The following SPIDR variants were observed in gnomAD, a reference collection of about 807,000 sequenced individuals.
SPIDR encodes scaffold protein involved in DNA repair.
SPIDR carries 93 observed loss-of-function variants against 104.6 expected under a neutral mutation model. The ratio of observed to expected loss-of-function variants is 0.89; its 90% CI spans 0.75 to 1.06. The LOEUF is 1.06. SPIDR is among the 50% of genes least tolerant of loss of function. SPIDR has a pLI of 0.00. For missense variants in SPIDR, 1,154 were observed against 1,111.2 expected, an observed-to-expected ratio of 1.04 and a Z score of -0.55; for synonymous variants, 431 against 416.9, an observed-to-expected ratio of 1.03 and a Z score of -0.41.
Position 47,419,848 on chromosome 8 carries a change from C to A in SPIDR, c.877+11887C>A, listed in dbSNP as rs535700528. On this transcript the variant is annotated intron_variant, in intron 7 of 19. Transcript: ENST00000297423. ...TGTTCTCGTTGGTTTCAAAGAACAT[C>A]TTTATTTCTGCCTTCATTTCGTTAT... is the stretch of plus-strand genomic sequence containing the variant. Among the ~76,000 whole-genome samples, 4 of 152,222 alleles carry A rather than the reference C, an allele frequency of 2.6e-5. No homozygotes were observed. The East Asian group carries it at 7.7e-4, about 29-fold the overall frequency.
In SPIDR at chr8:47,425,832, T is replaced by C. The variant is rs562061187; in HGVS notation, c.878-14491T>C. ...TGGTTTAGGAGTACCTTTGTCATGTTAATATTTGCTTTTATTGAATTATCA... is the reference window on the plus strand; with the variant it reads ...TGGTTTAGGAGTACCTTTGTCATGTCAATATTTGCTTTTATTGAATTATCA... On this transcript the variant is annotated intron_variant, in intron 7 of 19. Transcript: ENST00000297423. 2.0e-5 allele frequency among the ~76,000 whole-genome samples: 3 copies of C among 152,294 alleles called. No homozygotes were observed. In the East Asian group the frequency reaches 5.8e-4, roughly 29 times the overall value.
intron 3 of SPIDR, among the ~76,000 whole-genome samples, chr8:47,286,609 A>G (rs2038895450): frequency 6.6e-6 from 1 of 152,158 alleles, no homozygotes; most frequent in Admixed American, 6.6e-5. Context: ...ATGTACATAC[A>G]CAAAATTTAA....
At chr8:47,291,262 T>A in intron 4 of SPIDR, 125 bp downstream of exon 4, 3 of 562,096 alleles carry the variant, frequency 5.3e-6, no homozygotes, top group Non-Finnish European at 9.1e-6. Context: ...ATATTGGATT[T>A]AATATTGGAA....
intron 4 of SPIDR, among the ~76,000 whole-genome samples, chr8:47,292,030 C>T (rs1052807546): frequency 6.6e-6 from 1 of 152,090 alleles, no homozygotes; most frequent in Non-Finnish European, 1.5e-5. Flanking sequence ...ATCCCAGCCA[C>T]AGTGATGATA....
chr8:47,354,106 G>A (rs1343680419), intron 5 of SPIDR, among the ~76,000 whole-genome samples: 4 of 151,924 alleles, frequency 2.6e-5, no homozygotes, highest in Admixed American at 6.6e-5. Flanking sequence ...ACCGTATAAC[G>A]TATTGACTCT....
intron 7 of SPIDR, among the ~76,000 whole-genome samples, chr8:47,411,476 TC>T (rs1554671488): frequency 6.6e-6 from 1 of 152,230 alleles, no homozygotes; most frequent in African/African-American, 2.4e-5. Context: ...AAGTGTCTGT[TC>T]ATATCCTTTG....
At position 47,491,810 on chromosome 8, in the gene SPIDR, C is replaced by T. The variant is rs2078761567; in HGVS notation, c.1097+51268C>T. Among the ~76,000 whole-genome samples, 4 of 152,034 alleles carry T rather than the reference C, an allele frequency of 2.6e-5. No homozygotes were observed. The South Asian group carries it at 8.3e-4, about 32-fold the overall frequency. On this transcript the variant is annotated intron_variant, in intron 8 of 19. Transcript: ENST00000297423. ...GGCTGTAGTGAAGTATGATCCTGCA[C>T]TCCACTCCAGCCTGGGCAACATAGT... is the stretch of plus-strand genomic sequence containing the variant.
At chr8:47,319,701 C>A (rs1183788379) in intron 5 of SPIDR, among the ~76,000 whole-genome samples, 1 of 152,126 alleles carries the variant, frequency 6.6e-6, no homozygotes, top group Non-Finnish European at 1.5e-5. Context: ...GGAAGTAAAG[C>A]ACTCCTCAGC....
At chr8:47,555,424 C>T (rs777146972) in intron 8 of SPIDR, among the ~76,000 whole-genome samples, 6 of 152,108 alleles carry the variant, frequency 3.9e-5, no homozygotes, top group Non-Finnish European at 8.8e-5. Flanking sequence ...ACTAAAATCT[C>T]ACTGGGGAAA....
chr8:47,435,432 G>A (rs2068116718), intron 7 of SPIDR, among the ~76,000 whole-genome samples: 1 of 152,052 alleles, frequency 6.6e-6, no homozygotes, highest in South Asian at 2.1e-4. Flanking sequence ...CAGTTATTCA[G>A]CAAATGTTGT....
intron 5 of SPIDR, among the ~76,000 whole-genome samples, chr8:47,299,640 A>T (rs1351930811): frequency 6.6e-6 from 1 of 152,124 alleles, no homozygotes; most frequent in Non-Finnish European, 1.5e-5. Flanking sequence ...TACCTAATTT[A>T]TTGAGAGTTT....
intron 10 of SPIDR, among the ~76,000 whole-genome samples, chr8:47,647,180 G>GT (rs1267131187): frequency 6.6e-6 from 1 of 152,126 alleles, no homozygotes; most frequent in Non-Finnish European, 1.5e-5. Context: ...AATATTTATT[G>GT]TGTGCCTACT....
intron 5 of SPIDR, among the ~76,000 whole-genome samples, chr8:47,294,935 T>C (rs1340407576): frequency 5.9e-5 from 9 of 152,210 alleles, no homozygotes; most frequent in African/African-American, 2.2e-4. Flanking sequence ...TGACTCCAAT[T>C]ACATGTATAT....
intron 10 of SPIDR, chr8:47,660,567 G>A (rs2073942176): frequency 4.1e-6 from 4 of 974,326 alleles, no homozygotes; most frequent in Non-Finnish European, 4.9e-6. Context: ...CTGCTGCCTT[G>A]TTTTCCCAGT....
At chr8:47,351,103 T>TA (rs1362308376) in intron 5 of SPIDR, among the ~76,000 whole-genome samples, 3 of 152,218 alleles carry the variant, frequency 2.0e-5, no homozygotes, top group Non-Finnish European at 2.9e-5. Flanking sequence ...ACGTCACTCT[T>TA]ACTTTACTTA....
rs376980650 is a variant in SPIDR at position 47,685,513 on chromosome 8, A to ATTTTTTTTTTTTT, written c.1685+11575_1685+11576insTTTTTTTTTTTTT. On this transcript the variant is annotated intron_variant, in intron 11 of 19. Transcript: ENST00000297423. ...TATTTATTTATTTATTTATTTATTT[A>ATTTTTTTTTTTTT]TTTATTTTTTTGAGACAGTCTCTCT... Among the ~76,000 whole-genome samples, 163 of 121,036 alleles carry ATTTTTTTTTTTTT rather than the reference A, an allele frequency of 1.3e-3. 3 individuals are homozygous for ATTTTTTTTTTTTT. The highest frequency in any genetic ancestry group is 2.4e-3 in the Non-Finnish European group (127 of 53,466). The allele number at this position is 121,036 out of a possible 152,430, so 79.4% of individuals were successfully genotyped here.
intron 15 of SPIDR, 156 bp from the exon 16 acceptor site, chr8:47,713,333 C>T: frequency 9.5e-7 from 1 of 1,048,266 alleles, no homozygotes; most frequent in South Asian, 1.5e-5. Flanking sequence ...TCATGGGGTT[C>T]AGGAGTGTGC....
At chr8:47,513,030 G>A (rs763338867) in intron 8 of SPIDR, among the ~76,000 whole-genome samples, 1 of 152,178 alleles carries the variant, frequency 6.6e-6, no homozygotes. Flanking sequence ...TAATCTACAG[G>A]CTGTTTTAAG....
intron 8 of SPIDR, among the ~76,000 whole-genome samples, chr8:47,521,440 C>CT (rs751917193): frequency 3.4e-3 from 465 of 137,548 alleles, no homozygotes; most frequent in Admixed American, 4.1e-3. Context: ...ATTTTTTTTT[C>CT]TTTTTTTTTT....
Sources: gnomAD v4.1 joint callset for allele counts (sites outside exome capture counted in the v4.1 genomes callset) on GRCh38, gnomAD v4.1.1 for gene constraint, MANE v1.5 for transcripts, NCBI Gene and HGNC (gene_info 2026-07-23, HGNC 2026-07-21) for gene names.